Variants in RTN4 observed in about 807,000 individuals in gnomAD.
The protein encoded by RTN4 is reticulon 4, also known as reticulon-4.
RTN4 carries 32 observed loss-of-function variants against 90.4 expected under a neutral mutation model. The observed-to-expected ratio is 0.35, with a 90% CI of 0.27 to 0.48. The LOEUF is 0.48. Among genes scored for constraint, RTN4 ranks in the 20% least tolerant of loss-of-function variants. The pLI is 0.99. For missense variants in RTN4, 1,706 were observed against 1,430.2 expected (o/e 1.19, Z -3.11); for synonymous variants, 629 against 552.5 (o/e 1.14, Z -1.94).
At chr2:55,007,076 A>G (rs1680280704) in intron 3 of RTN4, among the ~76,000 whole-genome samples, 2 of 152,054 alleles carry the variant, frequency 1.3e-5, no homozygotes, top group African/African-American at 4.8e-5. Context: ...CATCTTTTCT[A>G]TTTTAGCTCT....
intron 3 of RTN4, among the ~76,000 whole-genome samples, chr2:54,999,011 G>T (rs539617380): frequency 2.0e-5 from 3 of 152,238 alleles, no homozygotes; most frequent in Non-Finnish European, 4.4e-5. Context: ...TCAAAGATCT[G>T]AGATGAATTT....
intron 1 of RTN4, among the ~76,000 whole-genome samples, chr2:55,080,804 T>A (rs1001110155): frequency 8.5e-5 from 13 of 152,216 alleles, no homozygotes; most frequent in Non-Finnish European, 1.8e-4. Context: ...TATACATACA[T>A]AATACATATC....
At chr2:54,995,676 C>T (rs775129106) in intron 3 of RTN4, among the ~76,000 whole-genome samples, 9 of 152,148 alleles carry the variant, frequency 5.9e-5, no homozygotes, top group South Asian at 2.1e-4. Context: ...CAGGAACCAA[C>T]CCTGGACAGG....
At chr2:54,995,703 G>A (rs1466060474) in intron 3 of RTN4, among the ~76,000 whole-genome samples, 1 of 151,970 alleles carries the variant, frequency 6.6e-6, no homozygotes, top group African/African-American at 2.4e-5. Flanking sequence ...TTCCATCACA[G>A]GGCACACTCA....
chr2:55,003,542 G>A (rs1679992681), intron 3 of RTN4, among the ~76,000 whole-genome samples: 1 of 152,160 alleles, frequency 6.6e-6, no homozygotes, highest in South Asian at 2.1e-4. Context: ...TAAATGTGGT[G>A]TCAGATCACT....
At chr2:55,103,109 GAAA>G (rs34149411) in intron 1 of RTN4, among the ~76,000 whole-genome samples, 2 of 110,518 alleles carry the variant, frequency 1.8e-5, no homozygotes, top group Admixed American at 9.7e-5. Context: ...CAAAACTCCG[GAAA>G]AAAAAAAAAA....
At chr2:55,130,043 C>T in the RTN4 span, among the ~76,000 whole-genome samples, 1 of 152,088 alleles carries the variant, frequency 6.6e-6, no homozygotes, top group Non-Finnish European at 1.5e-5. Context: ...CCTGAAAAAG[C>T]ATGTACAAAA....
In RTN4 at chr2:54,972,867, G is replaced by T; in HGVS notation, c.*289C>A. On this transcript the variant is annotated 3_prime_UTR_variant, in exon 9 of 9. Transcript: ENST00000337526. ...ATGCGGCAAGACTATCTGCAACAAA[G>T]TAAAATATACAGGTTTTTTATTCCA... 7.4e-6 allele frequency: 2 copies of T among 271,012 alleles called. No individual in the cohort carries two copies. The highest frequency in any genetic ancestry group is 6.3e-5 in the East Asian group (1 of 15,968). 16.8% of individuals were successfully genotyped at this position (271,012 alleles called of 1,614,324 possible). A position where few individuals can be genotyped will look rare whatever the true frequency, so the allele number is the denominator to read the frequency against.
intron 5 of RTN4, among the ~76,000 whole-genome samples, chr2:54,981,902 AT>A (rs1025275573): frequency 2.7e-5 from 4 of 148,562 alleles, no homozygotes; most frequent in African/African-American, 1.1e-4. Context: ...CAAAATTCCG[AT>A]TAATTTCCTT....
Position 55,025,629 on chromosome 2 carries a change from T to C in RTN4, c.2470A>G (p.Lys824Glu), listed in dbSNP as rs759501398. The C allele has an allele frequency of 2.5e-6, 4 of 1,613,558 alleles. No homozygotes were observed. Among genetic ancestry groups the C allele is most frequent in the African/African-American group, 1.3e-5 (1 of 74,880 alleles). ...ATCTGCAAAGGAATTTTCTCCTTTT[T>C]GCTCAATGTTGAAACTTCATCAGGT... ...LLPDEVSTLS[K>E]KEKIPLQMEE... The change falls in exon 3 of 9, where the codon AAA becomes GAA. Residue 824 changes from lysine to glutamate, a missense_variant. Physicochemically the swap from Lys to Glu is moderately conservative, Grantham distance 56. Coordinates refer to ENST00000337526, the MANE Select transcript of RTN4 (RefSeq NM_020532.5).
At chr2:55,038,220 G>A (rs1012863386) in intron 1 of RTN4, among the ~76,000 whole-genome samples, 20 of 152,022 alleles carry the variant, frequency 1.3e-4, no homozygotes, top group African/African-American at 4.8e-4. Context: ...CCTGGAAGGA[G>A]GCAAAGATGT....
the RTN4 span, among the ~76,000 whole-genome samples, chr2:55,136,647 C>G: frequency 6.6e-6 from 1 of 152,244 alleles, no homozygotes; most frequent in African/African-American, 2.4e-5. Flanking sequence ...ACATTCACCT[C>G]TTGCTGGGCA....
At chr2:54,990,162 A>G (rs1293884641) in intron 3 of RTN4, among the ~76,000 whole-genome samples, 2 of 152,238 alleles carry the variant, frequency 1.3e-5, no homozygotes, top group African/African-American at 4.8e-5. Flanking sequence ...AATAGGAATG[A>G]ACAAAAGGCA....
In RTN4 at chr2:54,973,138, TA is replaced by T. The variant is rs773576957; in HGVS notation, c.*17del. The T allele has an allele frequency of 6.3e-7, 1 of 1,598,744 alleles. No individual in the cohort carries two copies. The highest frequency in any genetic ancestry group is 8.6e-7 in the Non-Finnish European group (1 of 1,167,380). ...ATCCCCTTTAAAGATGAACTCCTAC[TA>T]ATTATTTTGGGCGTTTTCATTCAGC... On this transcript the variant is annotated 3_prime_UTR_variant, in exon 9 of 9. Coordinates refer to ENST00000337526, the MANE Select transcript of RTN4 (RefSeq NM_020532.5).
At chr2:55,107,212 T>C (rs1463867597) in intron 1 of RTN4, among the ~76,000 whole-genome samples, 1 of 151,972 alleles carries the variant, frequency 6.6e-6, no homozygotes, top group Non-Finnish European at 1.5e-5. Context: ...ATTTTTTTTT[T>C]TCAGTGAATG....
intron 2 of RTN4, among the ~76,000 whole-genome samples, chr2:55,057,014 G>A (rs1374985853): frequency 6.6e-6 from 1 of 152,146 alleles, no homozygotes; most frequent in Non-Finnish European, 1.5e-5. Flanking sequence ...TCTTTGGGAT[G>A]CTTTGAAAAC....
intron 2 of RTN4, among the ~76,000 whole-genome samples, chr2:55,078,936 TAAG>T (rs965636653): frequency 2.6e-5 from 4 of 152,008 alleles, no homozygotes; most frequent in Non-Finnish European, 5.9e-5. Flanking sequence ...TCCTTGGGAA[TAAG>T]GAGAGGAAAT....
chr2:55,031,350 C>T (rs746020104), intron 1 of RTN4, among the ~76,000 whole-genome samples: 3 of 152,144 alleles, frequency 2.0e-5, no homozygotes, highest in Non-Finnish European at 2.9e-5. Flanking sequence ...CTAAGAATAC[C>T]GCACTCTTGC....
intron 2 of RTN4, among the ~76,000 whole-genome samples, chr2:55,067,079 T>C (rs1364607285): frequency 6.6e-6 from 1 of 152,238 alleles, no homozygotes; most frequent in East Asian, 1.9e-4. Context: ...AAATTATTTC[T>C]AATAGTTTCT....
Sources: gnomAD v4.1 joint callset for allele counts (sites outside exome capture counted in the v4.1 genomes callset) on GRCh38, gnomAD v4.1.1 for gene constraint, MANE v1.5 for transcripts, NCBI Gene and HGNC (gene_info 2026-07-23, HGNC 2026-07-21) for gene names.